CACNA2D4: variants seen among roughly 807,000 people sequenced by gnomAD.
CACNA2D4 encodes voltage-dependent calcium channel subunit alpha-2/delta-4.
In CACNA2D4, 157 loss-of-function variants were observed where a neutral mutation model predicts 163.8. The observed-to-expected ratio is 0.96, with a 90% CI of 0.84 to 1.09. The LOEUF (loss-of-function observed/expected upper bound fraction) is 1.09. Among genes scored for constraint, CACNA2D4 ranks in the 50% least tolerant of loss-of-function variants. The probability of loss-of-function intolerance (pLI) is 0.00; values close to 1 mark genes in which losing one functional copy is unlikely to be tolerated. For missense variants in CACNA2D4, 1,410 were observed against 1,479.9 expected, an observed-to-expected ratio of 0.95 and a Z score of 0.78; for synonymous variants, 598 against 586.9, an observed-to-expected ratio of 1.02 and a Z score of -0.27.
At chr12:1,853,827 A>C in intron 23 of CACNA2D4, 124 bp downstream of exon 23, 1 of 699,148 alleles carries the variant, frequency 1.4e-6, no homozygotes. Context: ...CCTCCACTTA[A>C]TCTTAGGCCA....
intron 26 of CACNA2D4, among the ~76,000 whole-genome samples, chr12:1,818,246 G>A (rs375172818): frequency 7.9e-5 from 12 of 151,806 alleles, no homozygotes; most frequent in South Asian, 4.2e-4. Context: ...CCCTCTGCCC[G>A]GCCACCACCC....
chr12:1,913,795 A>C (rs1203342224), intron 2 of CACNA2D4, among the ~76,000 whole-genome samples: 3 of 152,232 alleles, frequency 2.0e-5, no homozygotes, highest in Non-Finnish European at 4.4e-5. Flanking sequence ...CCAGCTCTGC[A>C]ATGTATTGGC....
Position 1,801,487 on chromosome 12 carries a change from A to G in CACNA2D4, c.2792+87T>C, listed in dbSNP as rs1260474954. On this transcript the variant is annotated intron_variant, in intron 30 of 37. Coordinates refer to ENST00000382722, the MANE Select transcript of CACNA2D4 (RefSeq NM_172364.5). ...GCACCCACTGTGGGTTTTGGAGGTCAGGATCCTGAGATCCGCCAGGACCAC... is the reference window on the plus strand; with the variant it reads ...GCACCCACTGTGGGTTTTGGAGGTCGGGATCCTGAGATCCGCCAGGACCAC... 5.3e-6 allele frequency: 6 copies of G among 1,131,788 alleles called. No homozygotes were observed. The East Asian group carries it at 7.7e-5, about 14-fold the overall frequency. 70.1% of individuals were successfully genotyped at this position (1,131,788 alleles called of 1,614,324 possible). A position where few individuals can be genotyped will look rare whatever the true frequency, so the allele number is the denominator to read the frequency against.
chr12:1,815,741 A>G (rs1335003930), intron 26 of CACNA2D4, among the ~76,000 whole-genome samples: 1 of 151,884 alleles, frequency 6.6e-6, no homozygotes, highest in Non-Finnish European at 1.5e-5. Flanking sequence ...GGCCTTGCTG[A>G]CCTCCTTCCT....
intron 5 of CACNA2D4, 131 bp from the exon 6 acceptor site, chr12:1,907,702 T>A: frequency 1.7e-6 from 2 of 1,171,764 alleles, no homozygotes; most frequent in Non-Finnish European, 2.4e-6. Flanking sequence ...GTGTGCCTGG[T>A]GGGCGTGTCT....
chr12:1,795,889 C>G (rs1863108617), intron 35 of CACNA2D4, 109 bp from the exon 36 acceptor site: 2 of 771,172 alleles, frequency 2.6e-6, no homozygotes, highest in East Asian at 4.9e-5. Context: ...GCAGGGAAGC[C>G]CGGAACCATG....
At position 1,793,691 on chromosome 12, in the gene CACNA2D4, C is replaced by A. The variant is rs1441317425; in HGVS notation, c.3378G>T (p.Val1126=). 1 of 1,613,842 alleles carries A rather than the reference C, an allele frequency of 6.2e-7. No individual in the cohort carries two copies. The highest frequency in any genetic ancestry group is 1.7e-5 in the Admixed American group (1 of 60,034). Residue 1126 remains valine (V), a synonymous_variant, in exon 38 of 38, where the codon GTG becomes GTT. Coordinates refer to ENST00000382722, the MANE Select transcript of CACNA2D4 (RefSeq NM_172364.5). ...SASPPLLLLP[V]CAWGLLPQLL... Reference sequence around the variant, plus strand: ...GTTGGGGCAGTAGCCCCCAGGCACACACAGGCAGCAGGAGTAGGGGCGGCG... The same window carrying A: ...GTTGGGGCAGTAGCCCCCAGGCACAAACAGGCAGCAGGAGTAGGGGCGGCG...
intron 26 of CACNA2D4, chr12:1,831,046 C>G (rs574073445): frequency 6.2e-7 from 1 of 1,614,110 alleles, no homozygotes; most frequent in African/African-American, 1.3e-5. Context: ...CTTGGCCTCA[C>G]CACGGTGCCC....
In CACNA2D4 at chr12:1,837,816, G is replaced by A. The variant is rs372541617; in HGVS notation, c.2551+2923C>T. ...CGAGCCCCACTGCAGAAGCAAGAAC[G>A]GGGCCCCTCTCAGGCCTGGCACAGG... On this transcript the variant is annotated intron_variant, in intron 26 of 37. Transcript: ENST00000382722. 9.2e-4 allele frequency among the ~76,000 whole-genome samples: 140 copies of A among 152,326 alleles called. 1 individual carries two copies. The highest frequency in any genetic ancestry group is 1.7e-3 in the Non-Finnish European group (116 of 68,020).
chr12:1,897,879 A>T (rs747106968), intron 6 of CACNA2D4, among the ~76,000 whole-genome samples: 1 of 152,222 alleles, frequency 6.6e-6, no homozygotes, highest in Admixed American at 6.5e-5. Context: ...AATGGCATGT[A>T]TAGAAGATTT....
chr12:1,895,646 T>C (rs1211541902), intron 6 of CACNA2D4, among the ~76,000 whole-genome samples: 1 of 152,048 alleles, frequency 6.6e-6, no homozygotes, highest in Non-Finnish European at 1.5e-5. Context: ...AATTAATTAG[T>C]TTTTAGAGGT....
At chr12:1,808,536 A>G (rs1863613361) in intron 29 of CACNA2D4, among the ~76,000 whole-genome samples, 1 of 152,214 alleles carries the variant, frequency 6.6e-6, no homozygotes, top group South Asian at 2.1e-4. Flanking sequence ...CAAAACCAAC[A>G]TGTGCATCCG....
At chr12:1,847,105 C>T (rs1224965520) in intron 23 of CACNA2D4, among the ~76,000 whole-genome samples, 1 of 152,226 alleles carries the variant, frequency 6.6e-6, no homozygotes, top group East Asian at 1.9e-4. Context: ...TCATACTTCC[C>T]TTCTTACCGA....
chr12:1,834,675 CCGAGGGCGAGCA>C lies in CACNA2D4; in HGVS notation c.2551+6052_2551+6063del, dbSNP rs778017507. On this transcript the variant is annotated intron_variant, in intron 26 of 37. Transcript: ENST00000382722. This position sits in a 1 kb window ranked among gnomAD's most constrained non-coding sequence, Gnocchi z 7.6. ...AAGCGCCAGCCCCTGATGGGGGACC[CCGAGGGCGAGCA>C]CGAGGACCAGAAGCAGATCTCTTCT... The C allele has an allele frequency of 6.2e-7, 1 of 1,601,868 alleles. No individual in the cohort carries two copies. The highest frequency in any genetic ancestry group is 8.5e-7 in the Non-Finnish European group (1 of 1,179,540).
At chr12:1,881,178 C>T (rs1462423014) in intron 13 of CACNA2D4, among the ~76,000 whole-genome samples, 2 of 152,138 alleles carry the variant, frequency 1.3e-5, no homozygotes, top group South Asian at 2.1e-4. Context: ...TTGCAGGGGG[C>T]GGTTCTCACT....
intron 13 of CACNA2D4, 140 bp downstream of exon 13, chr12:1,882,727 G>A (rs555626178): frequency 2.1e-5 from 17 of 808,566 alleles, no homozygotes; most frequent in South Asian, 9.2e-5. Context: ...ATGGAAAAGC[G>A]GCTTCATTCG....
rs74676249 is a variant in CACNA2D4, at chr12:1,822,858, C to T, written c.2552-11135G>A. ...GTGGCAGCCTCCCCTGCGTCCTGGC[C>T]ACATGGAATCTCGGGCCGTCTTTGG... On this transcript the variant is annotated intron_variant, in intron 26 of 37. Transcript: ENST00000382722. Among the ~76,000 whole-genome samples the T allele has an allele frequency of 7.9e-4, 121 of 152,294 alleles. 1 individual carries two copies. In the East Asian group the frequency reaches 0.021, roughly 27 times the overall value.
rs1243838435 is a variant in CACNA2D4 at position 1,860,225 on chromosome 12, A to G, written c.1879-19T>C. On this transcript the variant is annotated intron_variant, in intron 18 of 37. Transcript: ENST00000382722. ...CTCGCTTCTGAAAGAGTAGACAAGG[A>G]AAGAGTGCTCACGCAGAGAAGAGCG... 4 of 1,608,128 alleles carry G rather than the reference A, an allele frequency of 2.5e-6. No individual in the cohort carries two copies. The highest frequency in any genetic ancestry group is 3.4e-6 in the Non-Finnish European group (4 of 1,175,428).
chr12:1,871,415 T>C (rs966936913), intron 18 of CACNA2D4, among the ~76,000 whole-genome samples: 5 of 149,390 alleles, frequency 3.3e-5, no homozygotes, highest in African/African-American at 5.0e-5. Flanking sequence ...TGTGTACAAA[T>C]GTGTGCCACT....
Sources: gnomAD v4.1 joint callset for allele counts (sites outside exome capture counted in the v4.1 genomes callset) on GRCh38, gnomAD v4.1.1 for gene constraint, Gnocchi (gnomAD v3.1) non-coding constraint, MANE v1.5 for transcripts, NCBI Gene and HGNC (gene_info 2026-07-23, HGNC 2026-07-21) for gene names.